CCDC33: variants seen among roughly 807,000 people sequenced by gnomAD.
CCDC33 encodes the protein coiled-coil domain-containing protein 33.
A neutral mutation model predicts 91.9 loss-of-function variants in CCDC33; 94 were observed. That is an observed-to-expected ratio of 1.02 (90% confidence interval 0.87 to 1.21). The LOEUF is 1.21. Ranked by LOEUF, CCDC33 falls within the 50% of genes most tolerant of loss-of-function variation. CCDC33 has a pLI of 0.00. For synonymous variants in CCDC33, 396 were observed against 374.5 expected (o/e 1.06, Z -0.66); for missense variants, 940 against 935.5 (o/e 1.00, Z -0.06).
At chr15:74,263,019 G>A (rs946476739) in intron 3 of CCDC33, among the ~76,000 whole-genome samples, 2 of 152,314 alleles carry the variant, frequency 1.3e-5, no homozygotes, top group Middle Eastern at 3.4e-3. Context: ...CAAGGACTCA[G>A]CATTGCATGT....
Position 74,325,631 on chromosome 15 carries a change from A to C in CCDC33, c.1291-4558A>C, listed in dbSNP as rs538516519. Among the ~76,000 whole-genome samples the C allele has an allele frequency of 4.6e-5, 7 of 152,156 alleles. No homozygotes were observed. The South Asian group carries it at 1.5e-3, about 32-fold the overall frequency. On this transcript the variant is annotated intron_variant, in intron 11 of 18. Coordinates refer to ENST00000398814, the MANE Select transcript of CCDC33 (RefSeq NM_025055.5). Reference sequence around the variant, plus strand: ...AACTGCTGATGACTGTGCTGCTTCCAATGTAGCCTTTACACTGAGTCTCTG... The same window carrying C: ...AACTGCTGATGACTGTGCTGCTTCCCATGTAGCCTTTACACTGAGTCTCTG...
intron 11 of CCDC33, among the ~76,000 whole-genome samples, chr15:74,313,400 T>C (rs1294379464): frequency 8.0e-6 from 1 of 125,696 alleles, no homozygotes; most frequent in African/African-American, 2.6e-5. Flanking sequence ...CACAGATTTC[T>C]TTCTTTCTTT....
rs574718332 is a variant in CCDC33 at position 74,211,335 on chromosome 15, G to A, written n.237-811G>A. On this transcript the variant is annotated intron_variant and non_coding_transcript_variant, in intron 2 of 3. Transcript: ENST00000558645. ...GGACACACCTCTCAATACTCTGTCT[G>A]ATAACACAGCAGAACCCCTGCCTAC... 3.6e-3 allele frequency among the ~76,000 whole-genome samples: 537 copies of A among 149,922 alleles called. 6 individuals are homozygous for A. Among genetic ancestry groups the A allele is most frequent in the Non-Finnish European group, 4.9e-3 (334 of 67,610 alleles).
chr15:74,335,269 C>T, intron 18 of CCDC33, 181 bp downstream of exon 18: 1 of 701,102 alleles, frequency 1.4e-6, no homozygotes, highest in Admixed American at 2.0e-5. Context: ...TCTTAATTCC[C>T]CCACCTGTCT....
chr15:74,263,889 G>C (rs2076094958), intron 3 of CCDC33, among the ~76,000 whole-genome samples: 1 of 152,182 alleles, frequency 6.6e-6, no homozygotes, highest in African/African-American at 2.4e-5. Context: ...TATAGATCGT[G>C]TGTGTGGCTC....
intron 11 of CCDC33, among the ~76,000 whole-genome samples, chr15:74,323,703 C>T (rs1942021093): frequency 6.6e-6 from 1 of 151,758 alleles, no homozygotes; most frequent in African/African-American, 2.4e-5. Flanking sequence ...ATTTTTTGGG[C>T]TTTTGTGTAG....
At chr15:74,321,227 CTTTAT>C (rs2060200304) in intron 11 of CCDC33, among the ~76,000 whole-genome samples, 1 of 152,008 alleles carries the variant, frequency 6.6e-6, no homozygotes, top group Non-Finnish European at 1.5e-5. Context: ...GGTTAATTCG[CTTTAT>C]TTTATTTTAT....
chr15:74,235,143 C>T (rs1033022834), upstream of CCDC33, among the ~76,000 whole-genome samples: 2 of 152,164 alleles, frequency 1.3e-5, no homozygotes, highest in African/African-American at 4.8e-5. Context: ...CTGGTCAGGC[C>T]CCCAGCCCCA....
intron 11 of CCDC33, among the ~76,000 whole-genome samples, chr15:74,307,821 C>CA (rs1287962541): frequency 6.6e-6 from 1 of 152,098 alleles, no homozygotes; most frequent in East Asian, 1.9e-4. Context: ...ACCTTATGAA[C>CA]AACCTCAAAG....
At chr15:74,270,316 G>A (rs758941315) in intron 5 of CCDC33, among the ~76,000 whole-genome samples, 1 of 152,302 alleles carries the variant, frequency 6.6e-6, no homozygotes, top group Non-Finnish European at 1.5e-5. Flanking sequence ...GGTGGGAGCT[G>A]CAGGGAGTCT....
Position 74,280,814 on chromosome 15 carries a change from C to A in CCDC33, c.1023+13C>A. 1.3e-6 allele frequency: 2 copies of A among 1,484,264 alleles called. No homozygotes were observed. Among genetic ancestry groups the A allele is most frequent in the Admixed American group, 2.3e-5 (1 of 43,080 alleles). The allele number at this position is 1,484,264 out of a possible 1,614,324, so 91.9% of individuals were successfully genotyped here. A position where few individuals can be genotyped will look rare whatever the true frequency, so the allele number is the denominator to read the frequency against. On this transcript the variant is annotated intron_variant, in intron 9 of 18. Coordinates refer to ENST00000398814, the MANE Select transcript of CCDC33 (RefSeq NM_025055.5). Reference sequence around the variant, plus strand: ...GCTCCCCATCATGGTGAGCCCCCTGCCCTGAACTGGGCCCCTAGCGTGCCC... The same window carrying A: ...GCTCCCCATCATGGTGAGCCCCCTGACCTGAACTGGGCCCCTAGCGTGCCC...
At chr15:74,253,262 G>A (rs1401886480) in intron 2 of CCDC33, among the ~76,000 whole-genome samples, 1 of 152,114 alleles carries the variant, frequency 6.6e-6, no homozygotes, top group Admixed American at 6.5e-5. Context: ...TCCCTCCCTG[G>A]TCATCATGAG....
At position 74,280,769 on chromosome 15, in the gene CCDC33, G is replaced by A. The variant is rs867788189; in HGVS notation, c.991G>A (p.Asp331Asn). The change falls in exon 9 of 19, where the codon GAC (aspartate) becomes AAC (asparagine). Residue 331 changes from aspartate (D) to asparagine (N), a missense_variant. Transcript: ENST00000398814. Reference protein sequence around the residue: ...YQKMLTGKGLDGLHVERLPIM... With the variant: ...YQKMLTGKGLNGLHVERLPIM... ...GAAGATGCTGACAGGGAAAGGCTTG[G>A]ACGGGCTTCACGTGGAGCGGCTCCC... 2.6e-6 allele frequency: 4 copies of A among 1,567,780 alleles called. No homozygotes were observed. The highest frequency in any genetic ancestry group is 1.8e-5 in the Admixed American group (1 of 54,310).
chr15:74,279,914 T>G (rs1215959596), intron 7 of CCDC33, 49 bp from the exon 8 acceptor site: 2 of 1,586,808 alleles, frequency 1.3e-6, no homozygotes, highest in Non-Finnish European at 1.7e-6. Flanking sequence ...ATGCCTTGAT[T>G]TGGGAGAAGC....
chr15:74,324,951 T>C (rs1596125209), intron 11 of CCDC33, among the ~76,000 whole-genome samples: 3 of 91,384 alleles, frequency 3.3e-5, no homozygotes, highest in East Asian at 3.6e-4. Flanking sequence ...CTCCCACTCC[T>C]CCCCCTCCTC....
chr15:74,292,117 G>C (rs2059595857), intron 10 of CCDC33, among the ~76,000 whole-genome samples: 1 of 152,274 alleles, frequency 6.6e-6, no homozygotes, highest in South Asian at 2.1e-4. Flanking sequence ...CCAGCAGGCA[G>C]AGCAAGGCTT....
At position 74,330,362 on chromosome 15, in the gene CCDC33, T is replaced by A; in HGVS notation, c.1456+8T>A. Reference sequence around the variant, plus strand: ...GTGAGGCCCAGAACACGGGTGAGGATGTGCAGGCCACCAAGGGCACCCGGG... The same window carrying A: ...GTGAGGCCCAGAACACGGGTGAGGAAGTGCAGGCCACCAAGGGCACCCGGG... On this transcript the variant is annotated splice_region_variant and intron_variant, in intron 12 of 18. Transcript: ENST00000398814. The A allele has an allele frequency of 6.3e-7, 1 of 1,575,206 alleles. No individual in the cohort carries two copies. Among genetic ancestry groups the A allele is most frequent in the Non-Finnish European group, 8.6e-7 (1 of 1,159,764 alleles).
At chr15:74,238,430 T>A (rs1234654827) in intron 1 of CCDC33, among the ~76,000 whole-genome samples, 3 of 149,512 alleles carry the variant, frequency 2.0e-5, no homozygotes, top group Non-Finnish European at 4.4e-5. Context: ...AAAAAAAGGA[T>A]GCTCATCATG....
In CCDC33 at chr15:74,268,356, G is replaced by C; in HGVS notation, c.444G>C (p.Gly148=). 6.2e-7 allele frequency: 1 copy of C among 1,613,596 alleles called. No homozygotes were observed. The highest frequency in any genetic ancestry group is 8.5e-7 in the Non-Finnish European group (1 of 1,179,592). Residue 148 remains glycine, a synonymous_variant, in exon 5 of 19, where the codon GGG becomes GGC. Transcript: ENST00000398814. The part of the protein sequence containing the change: ...HFELVKPTES[G]KADEATAKTQ... Reference sequence around the variant, plus strand: ...CCTGTCTCCAGCCCACTGAGTCTGGGAAAGCCGATGAAGCCACTGCCAAGA... The same window carrying C: ...CCTGTCTCCAGCCCACTGAGTCTGGCAAAGCCGATGAAGCCACTGCCAAGA...
Sources: allele counts gnomAD v4.1 joint callset (sites outside exome capture counted in the v4.1 genomes callset), GRCh38; gene constraint gnomAD v4.1.1; transcripts MANE v1.5; gene names NCBI Gene and HGNC (gene_info 2026-07-23, HGNC 2026-07-21).